The following MBD3L1 variants were observed in gnomAD, a reference collection of about 807,000 sequenced individuals.
MBD3L1 encodes the protein methyl-CpG binding domain protein 3 like 1.
For missense variants in MBD3L1, 203 were observed against 230.1 expected (o/e 0.88, Z 0.76); for synonymous variants, 84 against 85.1 (o/e 0.99, Z 0.07).
At chr19:8,841,708 C>T (rs942162362) in intron 2 of MBD3L1, among the ~76,000 whole-genome samples, 3 of 152,072 alleles carry the variant, frequency 2.0e-5, no homozygotes, top group African/African-American at 4.8e-5. Context: ...AGGTGCCCGC[C>T]ACCATGCCTA....
At chr19:8,835,284 T>G (rs1195279503) in intron 1 of MBD3L1, among the ~76,000 whole-genome samples, 1 of 152,144 alleles carries the variant, frequency 6.6e-6, no homozygotes, top group Non-Finnish European at 1.5e-5. Context: ...ACTCCTGACC[T>G]CAAGTGATCT....
Position 8,842,660 on chromosome 19 carries a change from T to C in MBD3L1, c.-19T>C, listed in dbSNP as rs1360660531. 1 of 1,602,294 alleles carries C rather than the reference T, an allele frequency of 6.2e-7. No individual in the cohort carries two copies. The highest frequency in any genetic ancestry group is 1.7e-5 in the Admixed American group (1 of 59,392). Reference sequence around the variant, plus strand: ...CATTTCATGATTTATTTTAATAGTGTAAGAGGAAAAGAAGTGTGATGGCCA... The same window carrying C: ...CATTTCATGATTTATTTTAATAGTGCAAGAGGAAAAGAAGTGTGATGGCCA... On this transcript the variant is annotated splice_region_variant and 5_prime_UTR_variant, in exon 3 of 3. Coordinates refer to ENST00000595891, the MANE Select transcript of MBD3L1 (RefSeq NM_001393532.1).
intron 2 of MBD3L1, among the ~76,000 whole-genome samples, chr19:8,842,315 G>A (rs2044521249): frequency 9.9e-6 from 1 of 100,658 alleles, no homozygotes; most frequent in Admixed American, 9.0e-5. Context: ...TGACGGAGTG[G>A]GACAAAAAAA....
chr19:8,841,603 C>G (rs933058030), intron 2 of MBD3L1, among the ~76,000 whole-genome samples: 1 of 152,174 alleles, frequency 6.6e-6, no homozygotes, highest in South Asian at 2.1e-4. Context: ...GTTGCCCAGA[C>G]TGGAGTGCAG....
At chr19:8,839,507 G>T (rs1472702541) in intron 1 of MBD3L1, among the ~76,000 whole-genome samples, 1 of 152,050 alleles carries the variant, frequency 6.6e-6, no homozygotes, top group Non-Finnish European at 1.5e-5. Flanking sequence ...GCCATATTTA[G>T]ATTTTCTAGG....
intron 1 of MBD3L1, among the ~76,000 whole-genome samples, chr19:8,836,993 A>G (rs2044462661): frequency 6.6e-6 from 1 of 152,260 alleles, no homozygotes. Flanking sequence ...CTTTACAAAT[A>G]CATACAACTG....
At chr19:8,841,980 C>A (rs527335484) in intron 2 of MBD3L1, among the ~76,000 whole-genome samples, 7 of 152,254 alleles carry the variant, frequency 4.6e-5, no homozygotes, top group African/African-American at 1.7e-4. Flanking sequence ...AGGAACTGTG[C>A]AAACCAAGAG....
At chr19:8,836,925 A>G (rs541216248) in intron 1 of MBD3L1, among the ~76,000 whole-genome samples, 3 of 152,384 alleles carry the variant, frequency 2.0e-5, no homozygotes, top group African/African-American at 7.2e-5. Context: ...TAAATAAGCA[A>G]AAGATGAACA....
chr19:8,837,411 A>G (rs555419137), intron 1 of MBD3L1, among the ~76,000 whole-genome samples: 3 of 152,360 alleles, frequency 2.0e-5, no homozygotes, highest in East Asian at 1.9e-4. Flanking sequence ...TTAAATTACA[A>G]TCGGGATATA....
intron 1 of MBD3L1, among the ~76,000 whole-genome samples, chr19:8,834,912 C>T (rs1012351415): frequency 6.6e-6 from 1 of 151,938 alleles, no homozygotes. Flanking sequence ...TCAAAGGACA[C>T]CATCAAGAAA....
rs1190292627 is a variant in MBD3L1 at position 8,842,823 on chromosome 19, G to A, written c.145G>A (p.Glu49Lys). 6.2e-7 allele frequency: 1 copy of A among 1,614,218 alleles called. No homozygotes were observed. Among genetic ancestry groups the A allele is most frequent in the Non-Finnish European group, 8.5e-7 (1 of 1,180,044 alleles). The change falls in exon 3 of 3, where the codon GAG becomes AAG. Residue 49 changes from glutamate to lysine, a missense_variant. Transcript: ENST00000595891. ...VTRITPHPGNEVRYHQWEESL... is the reference protein window; with the variant it reads ...VTRITPHPGNKVRYHQWEESL... The stretch of plus-strand genomic sequence containing the variant: ...GAGAATTACACCCCATCCTGGCAAT[G>A]AGGTCAGATACCATCAATGGGAGGA...
chr19:8,833,139 C>A, intron 1 of MBD3L1: 1 of 152,356 alleles, frequency 6.6e-6, no homozygotes, highest in Non-Finnish European at 1.5e-5. Flanking sequence ...TTGGGATAGG[C>A]CCAGGAGCCA....
rs1443515525 is a variant in MBD3L1 at position 8,842,830 on chromosome 19, G to T, written c.152G>T (p.Arg51Ile). Residue 51 changes from arginine to isoleucine, a missense_variant, in exon 3 of 3, where the codon AGA becomes ATA. Physicochemically the swap from Arg to Ile is moderately conservative, Grantham distance 97. Coordinates refer to ENST00000595891, the MANE Select transcript of MBD3L1 (RefSeq NM_001393532.1). ...ACACCCCATCCTGGCAATGAGGTCA[G>T]ATACCATCAATGGGAGGAGAGCTTG... ...RITPHPGNEVRYHQWEESLEK... is the reference protein window; with the variant it reads ...RITPHPGNEVIYHQWEESLEK... 6.2e-7 allele frequency: 1 copy of T among 1,614,122 alleles called. No homozygotes were observed. The highest frequency in any genetic ancestry group is 2.2e-5 in the East Asian group (1 of 44,904).
Position 8,843,299 on chromosome 19 carries a change from G to T in MBD3L1, c.*36G>T. 1.4e-6 allele frequency: 2 copies of T among 1,426,504 alleles called. No homozygotes were observed. Among genetic ancestry groups the T allele is most frequent in the Non-Finnish European group, 9.4e-7 (1 of 1,068,322 alleles). The allele number at this position is 1,426,504 out of a possible 1,614,324, so 88.4% of individuals were successfully genotyped here. ...GAAGATAGTGCAGATGAAATAAAGT[G>T]TAATCCTTTATTAACATCTCTTTGC... On this transcript the variant is annotated 3_prime_UTR_variant, in exon 3 of 3. Transcript: ENST00000595891.
At chr19:8,835,155 G>A (rs188539665) in intron 1 of MBD3L1, among the ~76,000 whole-genome samples, 20 of 151,860 alleles carry the variant, frequency 1.3e-4, no homozygotes, top group Non-Finnish European at 2.2e-4. Flanking sequence ...GGATTCAAGC[G>A]ATTCTCCTGC....
In MBD3L1 at chr19:8,840,697, C is replaced by T. The variant is rs568609858; in HGVS notation, c.-106-218C>T. 5.9e-5 allele frequency among the ~76,000 whole-genome samples: 9 copies of T among 152,118 alleles called. No individual in the cohort carries two copies. The East Asian group carries it at 1.4e-3, about 23-fold the overall frequency. ...ATTTGGCAACTAACGTCTTTGGGAACCATCAGGTAAGTTAAGGAGAATTAA... is the reference window on the plus strand; with the variant it reads ...ATTTGGCAACTAACGTCTTTGGGAATCATCAGGTAAGTTAAGGAGAATTAA... On this transcript the variant is annotated intron_variant, in intron 1 of 2. Coordinates refer to ENST00000595891, the MANE Select transcript of MBD3L1 (RefSeq NM_001393532.1).
At chr19:8,835,093 C>T (rs1192399398) in intron 1 of MBD3L1, among the ~76,000 whole-genome samples, 1 of 151,502 alleles carries the variant, frequency 6.6e-6, no homozygotes, top group Admixed American at 6.6e-5. Flanking sequence ...CTTCTGTCAC[C>T]TAGGCTGGAG....
intron 1 of MBD3L1, chr19:8,833,538 C>G (rs907159518): frequency 2.0e-5 from 3 of 152,202 alleles, no homozygotes; most frequent in African/African-American, 4.8e-5. Context: ...TACCTCCCCC[C>G]CAACAAGTCT....
intron 1 of MBD3L1, among the ~76,000 whole-genome samples, chr19:8,839,749 A>C (rs954903347): frequency 2.0e-5 from 3 of 152,154 alleles, no homozygotes; most frequent in South Asian, 2.1e-4. Context: ...ATAGATGTAG[A>C]TGATCTTTTC....
Sources: gnomAD v4.1 joint callset for allele counts (sites outside exome capture counted in the v4.1 genomes callset) on GRCh38, gnomAD v4.1.1 for gene constraint, MANE v1.5 for transcripts, NCBI Gene and HGNC (gene_info 2026-07-23, HGNC 2026-07-21) for gene names.